The following CKAP5 variants were observed in gnomAD, a reference collection of about 807,000 sequenced individuals.
The protein encoded by CKAP5 is cytoskeleton-associated protein 5.
A neutral mutation model predicts 232.8 loss-of-function variants in CKAP5; 27 were observed. That is an observed-to-expected ratio of 0.12 (90% CI 0.09 to 0.16). The LOEUF (loss-of-function observed/expected upper bound fraction) is 0.16. CKAP5 is among the 10% of genes least tolerant of loss of function. CKAP5 has a pLI of 1.00. For synonymous variants in CKAP5, 785 were observed against 841.1 expected (o/e 0.93, Z 1.16); for missense variants, 1,838 against 2,424.7 (o/e 0.76, Z 5.08).
intron 1 of CKAP5, among the ~76,000 whole-genome samples, chr11:46,845,753 G>A (rs893482695): frequency 2.0e-5 from 3 of 152,246 alleles, no homozygotes; most frequent in African/African-American, 7.2e-5. Flanking sequence ...GTGCGGCCAG[G>A]CCCCGGTGCC....
chr11:46,800,813 G>T (rs1235896381), intron 9 of CKAP5, among the ~76,000 whole-genome samples: 4 of 152,152 alleles, frequency 2.6e-5, no homozygotes, highest in Non-Finnish European at 5.9e-5. Context: ...TACATTTATA[G>T]TTTTACATTG....
At chr11:46,760,971 G>A (rs936063963) in intron 32 of CKAP5, among the ~76,000 whole-genome samples, 187 bp from the exon 33 acceptor site, 1 of 152,150 alleles carries the variant, frequency 6.6e-6, no homozygotes, top group Admixed American at 6.5e-5. Flanking sequence ...GAGAGGGGCT[G>A]GGCACAGTGG....
chr11:46,835,607 G>T (rs893774426), intron 1 of CKAP5, among the ~76,000 whole-genome samples: 1 of 152,046 alleles, frequency 6.6e-6, no homozygotes, highest in African/African-American at 2.4e-5. Flanking sequence ...TCAAAGTACA[G>T]AATAAATATA....
At chr11:46,776,200 C>A in intron 24 of CKAP5, 55 bp downstream of exon 24, 1 of 1,528,352 alleles carries the variant, frequency 6.5e-7, no homozygotes. Flanking sequence ...CAGGCCCAAG[C>A]CCCTATGGAA....
intron 23 of CKAP5, among the ~76,000 whole-genome samples, 157 bp from the exon 24 acceptor site, chr11:46,776,540 GAT>G (rs1218539179): frequency 6.6e-6 from 1 of 152,194 alleles, no homozygotes; most frequent in Non-Finnish European, 1.5e-5. Context: ...CTAGTTCTAT[GAT>G]TGTACTAAAA....
intron 4 of CKAP5, among the ~76,000 whole-genome samples, chr11:46,815,225 G>A (rs1001504430): frequency 3.3e-5 from 5 of 151,888 alleles, no homozygotes; most frequent in South Asian, 2.1e-4. Context: ...TAATTTTTTC[G>A]TATTTTTGGT....
rs1283674016 is a variant in CKAP5 at position 46,763,500 on chromosome 11, G to A, written c.3668C>T (p.Ala1223Val). ...ACTTACATCAACCATAACAGCAAGG[G>A]CTTTGTTATGATGCTGAAAGTCTGA... ...FHSDFQHHNK[A>V]LAVMVDHLES... The change falls in exon 29 of 44, where the codon GCC becomes GTC. Residue 1223 changes from alanine to valine, a missense_variant. Ala to Val is a moderately conservative substitution (Grantham distance 64). This residue lies in a region of CKAP5 where 48 missense variants were observed against 98.1 expected (regional missense o/e 0.49). Transcript: ENST00000529230. 6.3e-7 allele frequency: 1 copy of A among 1,599,486 alleles called. No homozygotes were observed. The highest frequency in any genetic ancestry group is 8.5e-7 in the Non-Finnish European group (1 of 1,175,054).
Position 46,809,860 on chromosome 11 carries a change from T to C in CKAP5, c.645A>G (p.Glu215=), listed in dbSNP as rs144613933. Residue 215 remains glutamate (E), a synonymous_variant, in exon 6 of 44, where the codon GAA becomes GAG. Transcript: ENST00000529230. ...TTGTTGGCAGTTTGACCCATTCTTCTTCTAGTTCTTTCAACTGCAAATGTC... is the reference window on the plus strand; with the variant it reads ...TTGTTGGCAGTTTGACCCATTCTTCCTCTAGTTCTTTCAACTGCAAATGTC... The part of the protein sequence containing the change: ...NINSVQLKEL[E]EEWVKLPTSA... 2 of 1,608,206 alleles carry C rather than the reference T, an allele frequency of 1.2e-6. No individual in the cohort carries two copies. Among genetic ancestry groups the C allele is most frequent in the Non-Finnish European group, 1.7e-6 (2 of 1,178,614 alleles).
intron 24 of CKAP5, among the ~76,000 whole-genome samples, chr11:46,775,004 A>C (rs1214973435): frequency 6.6e-6 from 1 of 152,210 alleles, no homozygotes; most frequent in Non-Finnish European, 1.5e-5. Context: ...AATTAAATTA[A>C]AGAGCTTCTG....
chr11:46,781,982 C>T lies in CKAP5; in HGVS notation c.2249+1292G>A, dbSNP rs1164765720. ...CTGGGATTACAGGCGTACACCACCACACCCAGCTAATTTTGTATTTTTAGT... is the reference window on the plus strand; with the variant it reads ...CTGGGATTACAGGCGTACACCACCATACCCAGCTAATTTTGTATTTTTAGT... On this transcript the variant is annotated intron_variant, in intron 18 of 43. Coordinates refer to ENST00000529230, the MANE Select transcript of CKAP5 (RefSeq NM_001008938.4). Among the ~76,000 whole-genome samples, 13 of 152,074 alleles carry T rather than the reference C, an allele frequency of 8.5e-5. No individual in the cohort carries two copies. The East Asian group carries it at 2.1e-3, about 25-fold the overall frequency.
intron 42 of CKAP5, among the ~76,000 whole-genome samples, chr11:46,745,170 A>G (rs1050576516): frequency 6.6e-6 from 1 of 152,210 alleles, no homozygotes; most frequent in Admixed American, 6.5e-5. Context: ...CACACTTCCT[A>G]AATTTCTGAG....
At position 46,784,375 on chromosome 11, in the gene CKAP5, G is replaced by C. The variant is rs144080612; in HGVS notation, c.2154+113C>G. On this transcript the variant is annotated intron_variant, in intron 17 of 43. Coordinates refer to ENST00000529230, the MANE Select transcript of CKAP5 (RefSeq NM_001008938.4). ...GAAACTCCATCTCAAAAAAAATGCA[G>C]TATCAAAAAAGATTTTACTTGAGAA... The C allele has an allele frequency of 1.0e-3, 858 of 849,106 alleles. 6 individuals carry two copies. The highest frequency in any genetic ancestry group is 5.3e-3 in the African/African-American group (311 of 58,930). 52.6% of individuals were successfully genotyped at this position (849,106 alleles called of 1,614,324 possible). A position where few individuals can be genotyped will look rare whatever the true frequency, so the allele number is the denominator to read the frequency against.
chr11:46,767,646 T>A lies in CKAP5; in HGVS notation c.3340A>T (p.Ile1114Phe), dbSNP rs748699488. 6.2e-7 allele frequency: 1 copy of A among 1,609,760 alleles called. No individual in the cohort carries two copies. Among genetic ancestry groups the A allele is most frequent in the African/African-American group, 1.3e-5 (1 of 74,856 alleles). ...QPASAPAEDC[I>F]SSSTEPKPDP... ...GGTTTGGGTTCTGTACTGCTGGAAA[T>A]ACAATCTTCAGCAGGTGCTTTGAGG... The change falls in exon 27 of 44, where the codon ATT becomes TTT. Residue 1114 changes from isoleucine to phenylalanine, a missense_variant. Transcript: ENST00000529230.
chr11:46,817,414 T>C (rs1592479113), intron 3 of CKAP5, among the ~76,000 whole-genome samples: 1 of 152,326 alleles, frequency 6.6e-6, no homozygotes, highest in South Asian at 2.1e-4. Context: ...CTTTACTGCT[T>C]TGAATCTCCT....
At chr11:46,827,102 A>G (rs1254034845) in intron 1 of CKAP5, among the ~76,000 whole-genome samples, 1 of 152,176 alleles carries the variant, frequency 6.6e-6, no homozygotes, top group African/African-American at 2.4e-5. Flanking sequence ...TTTTTTTGGT[A>G]GTATTACACG....
intron 35 of CKAP5, among the ~76,000 whole-genome samples, chr11:46,755,821 C>T (rs1452396130): frequency 2.6e-5 from 4 of 151,846 alleles, no homozygotes; most frequent in Non-Finnish European, 4.4e-5. Flanking sequence ...CTCAGCTACT[C>T]GGGAGGCTGA....
At position 46,808,156 on chromosome 11, in the gene CKAP5, AAT is replaced by A. The variant is rs1249500093; in HGVS notation, c.865-14_865-13del. 6.7e-7 allele frequency: 1 copy of A among 1,495,406 alleles called. No individual in the cohort carries two copies. The highest frequency in any genetic ancestry group is 9.3e-7 in the Non-Finnish European group (1 of 1,076,152). The allele number at this position is 1,495,406 out of a possible 1,614,324, so 92.6% of individuals were successfully genotyped here. A position where few individuals can be genotyped will look rare whatever the true frequency, so the allele number is the denominator to read the frequency against. On this transcript the variant is annotated splice_polypyrimidine_tract_variant and intron_variant, in intron 7 of 43. Coordinates refer to ENST00000529230, the MANE Select transcript of CKAP5 (RefSeq NM_001008938.4). ...CATTTTTTTGCCTCCTGCAAGATAC[AAT>A]ATGAGTCATTTGTAACAGGAAATAA...
intron 32 of CKAP5, among the ~76,000 whole-genome samples, chr11:46,761,259 A>AG (rs1055778203): frequency 6.6e-6 from 1 of 151,686 alleles, no homozygotes; most frequent in Admixed American, 6.6e-5. Context: ...AAAAAAAAAA[A>AG]AAAAAAGAAA....
chr11:46,751,732 C>A (rs921080310), intron 38 of CKAP5, among the ~76,000 whole-genome samples, 198 bp from the exon 39 acceptor site: 1 of 152,080 alleles, frequency 6.6e-6, no homozygotes, highest in African/African-American at 2.4e-5. Context: ...TGAAGTGTGT[C>A]CAGTCATTCA....
Sources: allele counts gnomAD v4.1 joint callset (sites outside exome capture counted in the v4.1 genomes callset), GRCh38; gene constraint gnomAD v4.1.1; regional missense constraint gnomAD v4.1.1; transcripts MANE v1.5; gene names NCBI Gene and HGNC (gene_info 2026-07-23, HGNC 2026-07-21).